The following VRK2 variants were observed in gnomAD, a reference collection of about 807,000 sequenced individuals.
VRK2 encodes the protein serine/threonine-protein kinase VRK2.
Under a neutral mutation model 57.6 loss-of-function variants are expected in VRK2, and 60 were observed. That is an observed-to-expected ratio of 1.04 (90% CI 0.85 to 1.29). VRK2 has a LOEUF of 1.29. Among genes scored for constraint, VRK2 ranks in the 50% most tolerant of loss-of-function variants. The pLI is 0.00. For synonymous variants in VRK2, 231 were observed against 199.2 expected, an observed-to-expected ratio of 1.16 and a Z score of -1.35; for missense variants, 705 against 588.1, an observed-to-expected ratio of 1.20 and a Z score of -2.06.
At chr2:58,125,488 G>A (rs762025200) in intron 8 of VRK2, among the ~76,000 whole-genome samples, 1 of 152,016 alleles carries the variant, frequency 6.6e-6, no homozygotes, top group Non-Finnish European at 1.5e-5. Context: ...AATGATCACA[G>A]AATGATCACA....
At chr2:58,128,009 A>C (rs868468399) in intron 8 of VRK2, among the ~76,000 whole-genome samples, 1 of 152,188 alleles carries the variant, frequency 6.6e-6, no homozygotes, top group Middle Eastern at 3.2e-3. Flanking sequence ...AAGATAACTT[A>C]TCTGTTGTTC....
chr2:58,155,934 T>TC (rs1683766152), intron 12 of VRK2, among the ~76,000 whole-genome samples: 2 of 148,736 alleles, frequency 1.3e-5, no homozygotes, highest in Non-Finnish European at 3.0e-5. Context: ...TTTTTTTTTT[T>TC]CCAGTCTGTG....
chr2:58,107,586 G>T (rs180824596), intron 7 of VRK2, among the ~76,000 whole-genome samples: 2 of 152,250 alleles, frequency 1.3e-5, no homozygotes, highest in East Asian at 3.9e-4. Flanking sequence ...AGATTTAATT[G>T]TACAAAATTG....
chr2:57,945,623 CT>C (rs1353987437), intron 1 of VRK2, among the ~76,000 whole-genome samples: 1 of 150,850 alleles, frequency 6.6e-6, no homozygotes, highest in Non-Finnish European at 1.5e-5. Flanking sequence ...AAAAAAATGG[CT>C]TTTTAACTTT....
At chr2:58,060,387 C>G (rs913816410) in intron 2 of VRK2, among the ~76,000 whole-genome samples, 74 of 151,776 alleles carry the variant, frequency 4.9e-4, no homozygotes, top group African/African-American at 1.7e-3. Flanking sequence ...GAGGGGAGCA[C>G]TTTTAAGTTC....
intron 1 of VRK2, among the ~76,000 whole-genome samples, chr2:57,969,798 C>T (rs915760927): frequency 2.0e-5 from 3 of 152,082 alleles, no homozygotes; most frequent in African/African-American, 7.2e-5. Flanking sequence ...TAAGAAATCT[C>T]TCCTCTTATT....
chr2:58,002,179 A>T (rs1039387154), intron 1 of VRK2, among the ~76,000 whole-genome samples: 5 of 152,122 alleles, frequency 3.3e-5, no homozygotes, highest in African/African-American at 1.2e-4. Context: ...ATCTCAAGAG[A>T]TATTTAAAAT....
intron 1 of VRK2, among the ~76,000 whole-genome samples, chr2:57,968,512 G>T (rs781763066): frequency 3.2e-4 from 48 of 152,062 alleles, no homozygotes; most frequent in Non-Finnish European, 5.7e-4. Flanking sequence ...CAGAATGCTA[G>T]AAGAAAATAA....
chr2:58,133,386 CAT>C (rs1679501962), intron 9 of VRK2, among the ~76,000 whole-genome samples: 1 of 152,132 alleles, frequency 6.6e-6, no homozygotes, highest in South Asian at 2.1e-4. Flanking sequence ...AAGCCAATAT[CAT>C]ATTATGAAGT....
intron 1 of VRK2, among the ~76,000 whole-genome samples, chr2:57,939,379 T>C (rs945003764): frequency 6.6e-6 from 1 of 152,186 alleles, no homozygotes; most frequent in South Asian, 2.1e-4. Context: ...CTTTCATTTT[T>C]TTCTTCAGTG....
chr2:58,110,303 A>G (rs1399522680), intron 7 of VRK2, among the ~76,000 whole-genome samples: 6 of 152,214 alleles, frequency 3.9e-5, no homozygotes, highest in African/African-American at 2.4e-5. Context: ...TCAAAACAGA[A>G]AGCAATCATT....
At chr2:57,977,873 T>C (rs1037151765) in intron 1 of VRK2, among the ~76,000 whole-genome samples, 2 of 151,176 alleles carry the variant, frequency 1.3e-5, no homozygotes, top group Non-Finnish European at 2.9e-5. Flanking sequence ...ATGGCTCTTA[T>C]CATTTTGAGT....
At chr2:58,058,350 A>G (rs1262316599) in intron 2 of VRK2, 2 of 470,496 alleles carry the variant, frequency 4.3e-6, no homozygotes. Context: ...ATTATTCCCC[A>G]GAGACACTGG....
chr2:58,020,881 T>C (rs1673733847), intron 1 of VRK2, among the ~76,000 whole-genome samples: 1 of 152,248 alleles, frequency 6.6e-6, no homozygotes, highest in Non-Finnish European at 1.5e-5. Flanking sequence ...GCACATGTTC[T>C]TAACCTTTAT....
chr2:58,037,320 C>T (rs1388730947), intron 3 of VRK2, among the ~76,000 whole-genome samples: 1 of 152,050 alleles, frequency 6.6e-6, no homozygotes, highest in Non-Finnish European at 1.5e-5. Context: ...CAAGGCTAAA[C>T]TCTTTATCAA....
chr2:58,030,439 T>C (rs1374512186), intron 2 of VRK2, among the ~76,000 whole-genome samples: 1 of 152,096 alleles, frequency 6.6e-6, no homozygotes, highest in East Asian at 1.9e-4. Context: ...TCCTTCTCTT[T>C]CATTTAAATA....
At chr2:57,985,987 C>CA (rs1176267183) in intron 1 of VRK2, among the ~76,000 whole-genome samples, 1 of 151,974 alleles carries the variant, frequency 6.6e-6, no homozygotes, top group Non-Finnish European at 1.5e-5. Context: ...CTGAAAATTA[C>CA]AAAACCAATG....
At chr2:58,111,868 A>G (rs1675622888) in intron 7 of VRK2, among the ~76,000 whole-genome samples, 1 of 152,206 alleles carries the variant, frequency 6.6e-6, no homozygotes, top group Non-Finnish European at 1.5e-5. Context: ...CTTTTTCTGT[A>G]AAGAGCCAGA....
intron 10 of VRK2, among the ~76,000 whole-genome samples, chr2:58,139,206 C>T (rs1680967506): frequency 6.6e-6 from 1 of 152,032 alleles, no homozygotes; most frequent in African/African-American, 2.4e-5. Context: ...CGGTTATAAT[C>T]CCAAAATCAA....
Sources: gnomAD v4.1 joint callset for allele counts (sites outside exome capture counted in the v4.1 genomes callset) on GRCh38, gnomAD v4.1.1 for gene constraint, MANE v1.5 for transcripts, NCBI Gene and HGNC (gene_info 2026-07-23, HGNC 2026-07-21) for gene names.